The following GRIA3 variants were observed in gnomAD, a reference collection of about 807,000 sequenced individuals.
GRIA3 encodes glutamate receptor 3.
Under a neutral mutation model 63.0 loss-of-function variants are expected in GRIA3, and 3 were observed. That is an observed-to-expected ratio of 0.05 (90% CI 0.02 to 0.12). The LOEUF (loss-of-function observed/expected upper bound fraction) is 0.12, where lower values mean the gene tolerates loss of function less well. Ranked by LOEUF, GRIA3 falls within the 10% of genes least tolerant of loss-of-function variation. The pLI is 1.00. For missense variants in GRIA3, 347 were observed against 700.9 expected (o/e 0.50, Z 5.70); for synonymous variants, 274 against 257.9 (o/e 1.06, Z -0.60).
At chrX:123,397,693 TC>T (rs34674921) in intron 6 of GRIA3, among the ~76,000 whole-genome samples, 2 of 112,146 alleles carry the variant, frequency 1.8e-5, no homozygotes, top group Non-Finnish European at 1.9e-5. Context: ...ATCTATTCAC[TC>T]CCAATTGTAT....
intron 5 of GRIA3, among the ~76,000 whole-genome samples, chrX:123,373,062 G>A (rs1374113222): frequency 5.5e-5 from 6 of 108,111 alleles, no homozygotes. Context: ...TCCCTGCCCT[G>A]TGTCCAAGTG....
chrX:123,349,320 A>C, intron 4 of GRIA3, among the ~76,000 whole-genome samples: 1 of 112,106 alleles, frequency 8.9e-6, no homozygotes, highest in African/African-American at 3.2e-5. Flanking sequence ...ATTCATGGCC[A>C]TTTATTGCCT....
At chrX:123,254,045 A>G (rs907043760) in intron 3 of GRIA3, among the ~76,000 whole-genome samples, 36 of 112,037 alleles carry the variant, frequency 3.2e-4, no homozygotes, top group African/African-American at 1.0e-3. Context: ...ATCAGATCAC[A>G]TTAGGTTTTC....
At chrX:123,430,106 T>C (rs1024868833) in intron 12 of GRIA3, among the ~76,000 whole-genome samples, 9 of 112,129 alleles carry the variant, frequency 8.0e-5, no homozygotes, top group Non-Finnish European at 1.7e-4. Context: ...ATGATTTCAT[T>C]AAAGGGCATC....
At chrX:123,373,010 C>T (rs1378254351) in intron 5 of GRIA3, among the ~76,000 whole-genome samples, 1 of 109,105 alleles carries the variant, frequency 9.2e-6, no homozygotes, top group Non-Finnish European at 1.9e-5. Flanking sequence ...TGCTATCCCT[C>T]CCCTAGCCCC....
At chrX:123,354,174 A>G (rs188964495) in intron 4 of GRIA3, among the ~76,000 whole-genome samples, 15 of 111,435 alleles carry the variant, frequency 1.3e-4, no homozygotes, top group Admixed American at 1.3e-3. Flanking sequence ...GGGCCTGAGA[A>G]TTCTTTATGT....
chrX:123,452,817 G>C (rs1473318958), intron 12 of GRIA3, among the ~76,000 whole-genome samples: 1 of 111,937 alleles, frequency 8.9e-6, no homozygotes, highest in Non-Finnish European at 1.9e-5. Flanking sequence ...AGCAATCCTT[G>C]ATTGAGAGTC....
chrX:123,396,259 A>T lies in GRIA3; in HGVS notation c.912+1130A>T, dbSNP rs2147379607. 2.8e-5 allele frequency among the ~76,000 whole-genome samples: 3 copies of T among 108,547 alleles called. No homozygotes were observed. In the South Asian group the frequency reaches 1.2e-3, roughly 44 times the overall value. 94.3% of individuals were successfully genotyped at this position (108,547 alleles called of 115,157 possible). On this transcript the variant is annotated intron_variant, in intron 6 of 15. Transcript: ENST00000620443. The stretch of plus-strand genomic sequence containing the variant: ...ATGATGATAAGGGAGAACAGTAGGC[A>T]ACACAGACCAGAAAAAAGATATAGA...
intron 2 of GRIA3, among the ~76,000 whole-genome samples, chrX:123,223,938 A>C (rs780316153): frequency 2.0e-4 from 22 of 111,804 alleles, no homozygotes; most frequent in African/African-American, 6.8e-4. Context: ...TTCATTGCCA[A>C]ATGTGTGGGA....
Position 123,398,568 on chromosome X carries a change from T to C in GRIA3, c.913-68T>C, listed in dbSNP as rs2045426684. The C allele has an allele frequency of 1.6e-5, 15 of 918,229 alleles. No individual in the cohort carries two copies. In the South Asian group the frequency reaches 2.9e-4, roughly 18 times the overall value. 75.7% of individuals were successfully genotyped at this position (918,229 alleles called of 1,213,427 possible). On this transcript the variant is annotated intron_variant, in intron 6 of 15. Transcript: ENST00000620443. ...AATAGGTAGAAATGAATGAAAATTA[T>C]AAGAAACAAGGCAAATTTTGAGGGT...
intron 11 of GRIA3, among the ~76,000 whole-genome samples, chrX:123,425,533 A>G (rs2045585048): frequency 8.9e-6 from 1 of 112,281 alleles, no homozygotes; most frequent in Admixed American, 9.5e-5. Context: ...AGATCAGTTC[A>G]GAATAAATTA....
chrX:123,443,841 T>G (rs2045688931), intron 12 of GRIA3, among the ~76,000 whole-genome samples: 1 of 110,214 alleles, frequency 9.1e-6, no homozygotes, highest in African/African-American at 3.3e-5. Context: ...GAAAATGGAG[T>G]AGAGGAGCAG....
intron 13 of GRIA3, among the ~76,000 whole-genome samples, chrX:123,470,972 G>A (rs1356218925): frequency 8.9e-6 from 1 of 112,113 alleles, no homozygotes; most frequent in Non-Finnish European, 1.9e-5. Flanking sequence ...ATTACAGATC[G>A]ATGGCACTTC....
chrX:123,200,608 T>C (rs5911546), intron 2 of GRIA3, among the ~76,000 whole-genome samples: 19 of 76,357 alleles, frequency 2.5e-4, no homozygotes, highest in South Asian at 6.3e-4. Flanking sequence ...CACACATACA[T>C]ACACACACAC....
intron 3 of GRIA3, among the ~76,000 whole-genome samples, chrX:123,264,766 G>A (rs966743985): frequency 8.9e-6 from 1 of 112,047 alleles, no homozygotes; most frequent in Admixed American, 9.4e-5. Context: ...AGGTTGGGAC[G>A]GGGTGGAGAA....
At chrX:123,462,232 G>C (rs1418357084) in intron 12 of GRIA3, among the ~76,000 whole-genome samples, 2 of 111,439 alleles carry the variant, frequency 1.8e-5, no homozygotes, top group Admixed American at 1.9e-4. Flanking sequence ...GGCAGTGAGA[G>C]TAATCTTTAA....
intron 4 of GRIA3, 87 bp downstream of exon 4, chrX:123,326,300 C>G (rs2044903147): frequency 2.6e-6 from 2 of 774,456 alleles, no homozygotes; most frequent in Admixed American, 4.5e-5. Context: ...AATTAAGTAG[C>G]CAACAGACTA....
chrX:123,255,858 G>A lies in GRIA3; in HGVS notation c.508+2316G>A, dbSNP rs774474600. Among the ~76,000 whole-genome samples the A allele has an allele frequency of 3.6e-5, 4 of 110,713 alleles. No individual in the cohort carries two copies. In the East Asian group the frequency reaches 1.1e-3, roughly 31 times the overall value. ...TTTACACTAATTTACCCCTTGAAAA[G>A]CCTTCTTACATTACTGTACTAGGAT... On this transcript the variant is annotated intron_variant, in intron 3 of 15. Coordinates refer to ENST00000620443, the MANE Select transcript of GRIA3 (RefSeq NM_007325.5).
At chrX:123,396,063 G>A (rs1417695073) in intron 6 of GRIA3, among the ~76,000 whole-genome samples, 1 of 108,916 alleles carries the variant, frequency 9.2e-6, no homozygotes, top group African/African-American at 3.3e-5. Flanking sequence ...ATAACAGGCC[G>A]GGCATGGTAG....
Sources: gnomAD v4.1 joint callset for allele counts (sites outside exome capture counted in the v4.1 genomes callset) on GRCh38, gnomAD v4.1.1 for gene constraint, MANE v1.5 for transcripts, NCBI Gene and HGNC (gene_info 2026-07-23, HGNC 2026-07-21) for gene names.